The following LRRC4C variants were observed in gnomAD, a reference collection of about 807,000 sequenced individuals.
LRRC4C encodes the protein leucine-rich repeat-containing protein 4C.
Under a neutral mutation model 33.6 loss-of-function variants are expected in LRRC4C, and 5 were observed. The observed-to-expected ratio is 0.15, with a 90% CI of 0.08 to 0.31. LRRC4C has a LOEUF of 0.31. Among genes scored for constraint, LRRC4C ranks in the 10% least tolerant of loss-of-function variants. The pLI is 1.00. For synonymous variants in LRRC4C, 329 were observed against 302.0 expected, an observed-to-expected ratio of 1.09 and a Z score of -0.93; for missense variants, 560 against 796.7, an observed-to-expected ratio of 0.70 and a Z score of 3.58.
At chr11:41,328,315 C>G (rs905095503) in intron 1 of LRRC4C, among the ~76,000 whole-genome samples, 2 of 152,112 alleles carry the variant, frequency 1.3e-5, no homozygotes, top group Non-Finnish European at 2.9e-5. Context: ...TGAGGTGTGT[C>G]CAAAAGGAGT....
At chr11:41,048,876 C>G (rs1857995933) in intron 1 of LRRC4C, among the ~76,000 whole-genome samples, 1 of 152,136 alleles carries the variant, frequency 6.6e-6, no homozygotes, top group Non-Finnish European at 1.5e-5. Flanking sequence ...GGCAGAGAAA[C>G]AAGTCCAAAG....
chr11:40,653,564 T>C (rs1040656323), intron 2 of LRRC4C, among the ~76,000 whole-genome samples: 38 of 152,334 alleles, frequency 2.5e-4, no homozygotes, highest in African/African-American at 8.9e-4. Context: ...TTGGGTTCTC[T>C]TAGAAGCTAT....
At chr11:40,975,541 T>C (rs1852023214) in intron 1 of LRRC4C, among the ~76,000 whole-genome samples, 1 of 152,240 alleles carries the variant, frequency 6.6e-6, no homozygotes, top group African/African-American at 2.4e-5. Context: ...GCCTCATCTC[T>C]TTATTGCTTG....
At chr11:40,124,347 C>T (rs1373249612) in intron 6 of LRRC4C, among the ~76,000 whole-genome samples, 1 of 152,180 alleles carries the variant, frequency 6.6e-6, no homozygotes, top group Non-Finnish European at 1.5e-5. Context: ...GAAGAAATAT[C>T]TGCACTCCCA....
intron 1 of LRRC4C, among the ~76,000 whole-genome samples, chr11:41,402,230 C>T (rs1312899146): frequency 6.6e-6 from 1 of 151,988 alleles, no homozygotes; most frequent in Non-Finnish European, 1.5e-5. Flanking sequence ...AATTGATGAG[C>T]TGTCTTCAAA....
At chr11:41,093,129 T>G (rs918755468) in intron 1 of LRRC4C, among the ~76,000 whole-genome samples, 1 of 152,214 alleles carries the variant, frequency 6.6e-6, no homozygotes. Flanking sequence ...TTAAATAGTA[T>G]GTAATCAGCT....
chr11:40,578,889 C>T (rs1363539101), intron 3 of LRRC4C, among the ~76,000 whole-genome samples: 1 of 152,104 alleles, frequency 6.6e-6, no homozygotes, highest in Non-Finnish European at 1.5e-5. Flanking sequence ...AAGAGAGCTT[C>T]GCCTGTGGTA....
intron 1 of LRRC4C, among the ~76,000 whole-genome samples, chr11:41,276,280 C>T (rs1949481604): frequency 6.6e-6 from 1 of 152,096 alleles, no homozygotes; most frequent in South Asian, 2.1e-4. Context: ...TACAGATGTC[C>T]TTGAGTTATT....
At chr11:41,145,135 T>A (rs1943672369) in intron 1 of LRRC4C, among the ~76,000 whole-genome samples, 1 of 152,176 alleles carries the variant, frequency 6.6e-6, no homozygotes, top group South Asian at 2.1e-4. Flanking sequence ...CATGTTAACA[T>A]TTAAAGTTCT....
chr11:40,374,658 C>A (rs1268983834), intron 3 of LRRC4C, among the ~76,000 whole-genome samples: 6 of 151,980 alleles, frequency 3.9e-5, no homozygotes, highest in Non-Finnish European at 7.4e-5. Flanking sequence ...CATTTCATAT[C>A]CAGCAAGCAT....
chr11:41,257,687 AAG>A (rs1948845443), intron 1 of LRRC4C, among the ~76,000 whole-genome samples: 1 of 152,100 alleles, frequency 6.6e-6, no homozygotes, highest in South Asian at 2.1e-4. Flanking sequence ...CTGGAAGGTG[AAG>A]AGTGAATCTG....
chr11:41,322,445 C>A (rs1442998887), intron 1 of LRRC4C, among the ~76,000 whole-genome samples: 1 of 151,844 alleles, frequency 6.6e-6, no homozygotes, highest in Non-Finnish European at 1.5e-5. Context: ...TTCCCTTAAG[C>A]TTTTTATTCA....
intron 1 of LRRC4C, among the ~76,000 whole-genome samples, chr11:41,215,559 T>C (rs1190040530): frequency 6.6e-6 from 1 of 151,898 alleles, no homozygotes; most frequent in African/African-American, 2.4e-5. Flanking sequence ...CTCCTAACCC[T>C]GAAAACCACT....
At chr11:40,564,105 T>C (rs529866393) in intron 3 of LRRC4C, among the ~76,000 whole-genome samples, 1 of 152,306 alleles carries the variant, frequency 6.6e-6, no homozygotes, top group African/African-American at 2.4e-5. Flanking sequence ...GGGTATTGAT[T>C]AAGGACAGAC....
chr11:40,904,450 G>A (rs1956334903), intron 2 of LRRC4C, among the ~76,000 whole-genome samples: 1 of 151,986 alleles, frequency 6.6e-6, no homozygotes. Context: ...ATTATTTTGT[G>A]TGGTTCCAAC....
intron 1 of LRRC4C, among the ~76,000 whole-genome samples, chr11:41,227,703 G>A (rs887464030): frequency 1.3e-5 from 2 of 151,968 alleles, no homozygotes; most frequent in Non-Finnish European, 2.9e-5. Context: ...TTTCCAGATT[G>A]ATATAGTTTA....
At chr11:40,699,784 G>T (rs1223723400) in intron 2 of LRRC4C, among the ~76,000 whole-genome samples, 1 of 152,086 alleles carries the variant, frequency 6.6e-6, no homozygotes, top group South Asian at 2.1e-4. Flanking sequence ...CTAGTAAGGA[G>T]CTCTAATATT....
At chr11:41,014,435 G>T (rs1855433687) in intron 1 of LRRC4C, among the ~76,000 whole-genome samples, 1 of 151,352 alleles carries the variant, frequency 6.6e-6, no homozygotes, top group African/African-American at 2.4e-5. Flanking sequence ...GGTACCAAGA[G>T]CACAGTGCAT....
At chr11:40,787,266 G>C (rs117684217) in intron 2 of LRRC4C, among the ~76,000 whole-genome samples, 91 of 152,236 alleles carry the variant, frequency 6.0e-4, no homozygotes, top group Admixed American at 1.0e-3. Flanking sequence ...CCAACTGGGG[G>C]GGGTAGGGGG....
Sources: gnomAD v4.1 joint callset for allele counts (sites outside exome capture counted in the v4.1 genomes callset) on GRCh38, gnomAD v4.1.1 for gene constraint, MANE v1.5 for transcripts, NCBI Gene and HGNC (gene_info 2026-07-23, HGNC 2026-07-21) for gene names.